EYS: variants seen among roughly 807,000 people sequenced by gnomAD.
EYS encodes the protein EGF-like photoreceptor maintenance factor.
Under a neutral mutation model 282.1 loss-of-function variants are expected in EYS, and 250 were observed. The observed-to-expected ratio is 0.89, with a 90% CI of 0.80 to 0.98. The LOEUF is 0.98. EYS is among the 50% of genes least tolerant of loss of function. EYS has a pLI of 0.00. For synonymous variants in EYS, 1,355 were observed against 1,282.9 expected (o/e 1.06, Z -1.20); for missense variants, 4,016 against 3,709.0 (o/e 1.08, Z -2.15).
chr6:64,780,037 G>A (rs992380819), intron 22 of EYS, among the ~76,000 whole-genome samples: 1 of 152,168 alleles, frequency 6.6e-6, no homozygotes, highest in Non-Finnish European at 1.5e-5. Flanking sequence ...ACTCAAGAAT[G>A]AACACAATCC....
intron 26 of EYS, among the ~76,000 whole-genome samples, chr6:64,582,842 G>A (rs1582919872): frequency 6.6e-6 from 1 of 151,990 alleles, no homozygotes; most frequent in East Asian, 1.9e-4. Flanking sequence ...CAAAAGCACG[G>A]GGCTTTCATT....
rs536309118 is a variant in EYS at position 65,691,326 on chromosome 6, T to G, written c.-448+15809A>C. Among the ~76,000 whole-genome samples the G allele has an allele frequency of 2.7e-5, 4 of 150,584 alleles. 1 individual carries two copies. The East Asian group carries it at 9.1e-4, about 34-fold the overall frequency. On this transcript the variant is annotated intron_variant, in intron 1 of 42. Coordinates refer to ENST00000503581, the MANE Select transcript of EYS (RefSeq NM_001142800.2). ...GCGGTTTTGATTTGCCTTTAACTAA[T>G]GACCAGTGATGATGAGCTTTTTTTC...
intron 35 of EYS, among the ~76,000 whole-genome samples, chr6:63,880,739 G>A (rs770235582): frequency 3.9e-5 from 6 of 151,970 alleles, no homozygotes; most frequent in Non-Finnish European, 5.9e-5. Context: ...TCCTGAAAGG[G>A]GTAATTTCAG....
intron 19 of EYS, among the ~76,000 whole-genome samples, chr6:64,880,756 C>A (rs1261603280): frequency 1.3e-5 from 2 of 148,842 alleles, no homozygotes; most frequent in Non-Finnish European, 3.0e-5. Flanking sequence ...TCTATATATA[C>A]ATATTTATAT....
At chr6:64,347,008 A>G (rs1771430618) in intron 29 of EYS, among the ~76,000 whole-genome samples, 1 of 151,422 alleles carries the variant, frequency 6.6e-6, no homozygotes, top group African/African-American at 2.4e-5. Flanking sequence ...GCAGATCTAG[A>G]TTCCATTTAT....
intron 26 of EYS, among the ~76,000 whole-genome samples, chr6:64,512,086 T>C (rs539410061): frequency 6.6e-6 from 1 of 152,198 alleles, no homozygotes; most frequent in African/African-American, 2.4e-5. Flanking sequence ...TATGTGCATG[T>C]GTATATATAC....
rs531391323 is a variant in EYS at position 65,360,415 on chromosome 6, C to A, written c.1300-6798G>T. ...TTATTCCTCTAGCTCTTCTAGGTAG[C>A]ACCTAAATTTAGGAACTGTATCCAA... On this transcript the variant is annotated intron_variant, in intron 8 of 42. Coordinates refer to ENST00000503581, the MANE Select transcript of EYS (RefSeq NM_001142800.2). Among the ~76,000 whole-genome samples the A allele has an allele frequency of 8.6e-5, 13 of 152,004 alleles. No individual in the cohort carries two copies. The South Asian group carries it at 2.7e-3, about 32-fold the overall frequency.
chr6:64,364,375 T>G (rs1158785020), intron 29 of EYS, among the ~76,000 whole-genome samples: 1 of 151,958 alleles, frequency 6.6e-6, no homozygotes, highest in Non-Finnish European at 1.5e-5. Context: ...ATTTTGTATG[T>G]GTTTCTAATT....
intron 31 of EYS, among the ~76,000 whole-genome samples, chr6:64,112,323 T>C (rs1773229858): frequency 6.6e-6 from 1 of 152,122 alleles, no homozygotes; most frequent in Non-Finnish European, 1.5e-5. Context: ...AAGCTGTTGG[T>C]CAAGAAGTTT....
chr6:65,693,468 T>G (rs1769321760), intron 1 of EYS, among the ~76,000 whole-genome samples: 1 of 147,736 alleles, frequency 6.8e-6, no homozygotes, highest in South Asian at 2.2e-4. Context: ...CAGTGGTGGT[T>G]TATAAAATGC....
chr6:65,379,645 G>A (rs969161956), intron 8 of EYS, among the ~76,000 whole-genome samples: 3 of 151,796 alleles, frequency 2.0e-5, no homozygotes, highest in Admixed American at 6.6e-5. Flanking sequence ...AGAAATAAAG[G>A]GTATTCAAAT....
At chr6:65,690,363 T>C (rs949168997) in intron 1 of EYS, among the ~76,000 whole-genome samples, 4 of 149,984 alleles carry the variant, frequency 2.7e-5, no homozygotes, top group Admixed American at 6.7e-5. Context: ...TGAGGGCGTT[T>C]ATAGCCCTAT....
At chr6:64,046,738 A>G (rs1226740665) in intron 33 of EYS, among the ~76,000 whole-genome samples, 3 of 152,148 alleles carry the variant, frequency 2.0e-5, no homozygotes, top group Non-Finnish European at 4.4e-5. Context: ...TCACACACTG[A>G]TATTCACATT....
intron 2 of EYS, among the ~76,000 whole-genome samples, chr6:65,620,535 T>A (rs1766434260): frequency 6.6e-6 from 1 of 151,442 alleles, no homozygotes; most frequent in South Asian, 2.1e-4. Flanking sequence ...TGAAGGGTTT[T>A]TTGTGTCTCT....
At chr6:64,722,645 T>C (rs1482614015) in intron 22 of EYS, among the ~76,000 whole-genome samples, 2 of 152,172 alleles carry the variant, frequency 1.3e-5, no homozygotes, top group Admixed American at 6.5e-5. Flanking sequence ...TAAAACTAAT[T>C]TTTTTCACAG....
At chr6:63,984,316 G>A (rs1456655331) in intron 35 of EYS, 67 bp downstream of exon 35, 7 of 1,157,818 alleles carry the variant, frequency 6.0e-6, no homozygotes, top group Middle Eastern at 1.9e-4. Context: ...CAATACTGCT[G>A]GCTTTTGTTG....
chr6:64,525,169 G>T (rs1369174432), intron 26 of EYS, among the ~76,000 whole-genome samples: 1 of 151,662 alleles, frequency 6.6e-6, no homozygotes, highest in Non-Finnish European at 1.5e-5. Context: ...AAATTTCATT[G>T]CTGGGTATAT....
chr6:64,377,503 C>T (rs2150417719), intron 29 of EYS, among the ~76,000 whole-genome samples: 1 of 152,156 alleles, frequency 6.6e-6, no homozygotes, highest in Non-Finnish European at 1.5e-5. Flanking sequence ...GGCCATTCAG[C>T]CTCTCTGTGC....
chr6:63,730,404 A>G (rs1485000097), intron 41 of EYS, among the ~76,000 whole-genome samples: 1 of 152,202 alleles, frequency 6.6e-6, no homozygotes, highest in Non-Finnish European at 1.5e-5. Flanking sequence ...CTTAGAATAA[A>G]ATGCAGATTC....
Sources: allele counts gnomAD v4.1 joint callset (sites outside exome capture counted in the v4.1 genomes callset), GRCh38; gene constraint gnomAD v4.1.1; transcripts MANE v1.5; gene names NCBI Gene and HGNC (gene_info 2026-07-23, HGNC 2026-07-21).